Variants in CCDC73 observed in about 807,000 individuals in gnomAD.
The protein encoded by CCDC73 is coiled-coil domain containing 73.
CCDC73 carries 95 observed loss-of-function variants against 116.5 expected under a neutral mutation model. The ratio of observed to expected loss-of-function variants is 0.82; its 90% confidence interval spans 0.69 to 0.97. CCDC73 has a LOEUF of 0.97. Ranked by LOEUF, CCDC73 falls within the 50% of genes least tolerant of loss-of-function variation. CCDC73 has a pLI of 0.00. For synonymous variants in CCDC73, 398 were observed against 401.3 expected, an observed-to-expected ratio of 0.99 and a Z score of 0.10; for missense variants, 1,066 against 1,206.8, an observed-to-expected ratio of 0.88 and a Z score of 1.73.
rs147873527 is a variant in CCDC73, at chr11:32,716,596, T to G, written c.207+1480A>C. 3.5e-3 allele frequency among the ~76,000 whole-genome samples: 539 copies of G among 152,318 alleles called. 5 individuals are homozygous for G. The highest frequency in any genetic ancestry group is 0.013 in the African/African-American group (520 of 41,588). On this transcript the variant is annotated intron_variant, in intron 3 of 17. Transcript: ENST00000335185. ...TTTATTTTTAGAGACAGAGCCTCGC[T>G]CTGCACCCAGGCTGGAGTGCAATGG...
the CCDC73 span, among the ~76,000 whole-genome samples, chr11:32,819,969 G>A: frequency 6.6e-6 from 1 of 151,984 alleles, no homozygotes; most frequent in Non-Finnish European, 1.5e-5. Context: ...ACTAGGAAGT[G>A]GAATTAGGCA....
At chr11:32,718,423 T>C (rs1291152332) in intron 2 of CCDC73, among the ~76,000 whole-genome samples, 3 of 152,158 alleles carry the variant, frequency 2.0e-5, no homozygotes, top group Non-Finnish European at 2.9e-5. Flanking sequence ...GGTAAGAAGC[T>C]TCAACGAAAA....
the CCDC73 span, among the ~76,000 whole-genome samples, chr11:32,822,042 A>G: frequency 6.6e-6 from 1 of 152,186 alleles, no homozygotes; most frequent in Non-Finnish European, 1.5e-5. Flanking sequence ...CTGTGCATAA[A>G]TTCTCAAAGG....
chr11:32,628,699 T>C (rs754939841), intron 14 of CCDC73, among the ~76,000 whole-genome samples: 6 of 152,336 alleles, frequency 3.9e-5, no homozygotes, highest in South Asian at 2.1e-4. Flanking sequence ...CTGTGAAACT[T>C]TGACATTCTT....
At chr11:32,611,421 T>TA (rs1855421389) in intron 16 of CCDC73, among the ~76,000 whole-genome samples, 156 bp from the exon 17 acceptor site, 1 of 152,244 alleles carries the variant, frequency 6.6e-6, no homozygotes, top group Admixed American at 6.5e-5. Flanking sequence ...ACTTTGCTCT[T>TA]AAATTAGGCA....
intron 9 of CCDC73, among the ~76,000 whole-genome samples, chr11:32,664,706 C>T (rs1470156088): frequency 7.9e-5 from 12 of 151,978 alleles, no homozygotes; most frequent in Non-Finnish European, 1.5e-5. Flanking sequence ...TTATTTCTTG[C>T]CTTCTGCTAG....
rs190077221 is a variant in CCDC73 at position 32,632,691 on chromosome 11, T to C, written c.1185+3005A>G. Among the ~76,000 whole-genome samples the C allele has an allele frequency of 1.7e-3, 252 of 152,274 alleles. 1 individual carries two copies. The highest frequency in any genetic ancestry group is 2.8e-3 in the Non-Finnish European group (189 of 68,026). On this transcript the variant is annotated intron_variant, in intron 14 of 17. Transcript: ENST00000335185. The stretch of plus-strand genomic sequence containing the variant: ...ATCTTTCATTATAACTGTGAATTTA[T>C]CTTTCTCTTTTCAGTTCTGTCAGTT...
At chr11:32,765,301 A>G (rs1275721066) in intron 1 of CCDC73, among the ~76,000 whole-genome samples, 2 of 152,220 alleles carry the variant, frequency 1.3e-5, no homozygotes, top group Non-Finnish European at 2.9e-5. Flanking sequence ...CCCCAAATCG[A>G]CATAATATAC....
At chr11:32,653,355 T>C (rs1855843774) in intron 11 of CCDC73, 128 bp from the exon 12 acceptor site, 2 of 531,450 alleles carry the variant, frequency 3.8e-6, no homozygotes, top group Non-Finnish European at 6.5e-6. Flanking sequence ...TACTTTATAT[T>C]AAACTAATGG....
chr11:32,613,673 C>T lies in CCDC73; in HGVS notation c.2645G>A (p.Gly882Glu). ...EPSGDLVNRS[G>E]RSTFDLSTSD... ...AGTTGAAAGATCAAAGGTTGACCTT[C>T]CGCTTCTGTTTACTAAATCTCCAGA... The change falls in exon 16 of 18, where the codon GGA becomes GAA. Residue 882 changes from glycine (G) to glutamate (E), a missense_variant. Physicochemically the swap from Gly to Glu is moderately conservative, Grantham distance 98. Coordinates refer to ENST00000335185, the MANE Select transcript of CCDC73 (RefSeq NM_001008391.4). 2.5e-6 allele frequency: 4 copies of T among 1,614,092 alleles called. No homozygotes were observed. The highest frequency in any genetic ancestry group is 2.5e-6 in the Non-Finnish European group (3 of 1,179,990).
rs1031249698 is a variant in CCDC73 at position 32,660,244 on chromosome 11, A to C, written c.646-5272T>G. Among the ~76,000 whole-genome samples the C allele has an allele frequency of 1.8e-3, 278 of 150,722 alleles. 1 individual carries two copies. The highest frequency in any genetic ancestry group is 3.4e-3 in the Middle Eastern group (1 of 292). ...TTCTCTCTACCAAAAAAAAAAAAAA[A>C]AAAAAAAAAAACAGGTTGGATCCAG... On this transcript the variant is annotated intron_variant, in intron 9 of 17. Transcript: ENST00000335185.
intron 3 of CCDC73, among the ~76,000 whole-genome samples, chr11:32,704,317 T>C (rs1043214193): frequency 1.3e-5 from 2 of 152,236 alleles, no homozygotes; most frequent in African/African-American, 4.8e-5. Flanking sequence ...GCTCTCCATG[T>C]CTGCTCCACT....
At chr11:32,788,501 G>C (rs1422025250) in intron 1 of CCDC73, among the ~76,000 whole-genome samples, 1 of 150,202 alleles carries the variant, frequency 6.7e-6, no homozygotes, top group Non-Finnish European at 1.5e-5. Context: ...TTGAGACAGG[G>C]TCTTGCTCTG....
In CCDC73 at chr11:32,635,260, C is replaced by CT. The variant is rs1356304614; in HGVS notation, c.1185+435dup. Among the ~76,000 whole-genome samples, 4 of 151,996 alleles carry CT rather than the reference C, an allele frequency of 2.6e-5. No individual in the cohort carries two copies. In the East Asian group the frequency reaches 7.7e-4, roughly 29 times the overall value. On this transcript the variant is annotated intron_variant, in intron 14 of 17. Coordinates refer to ENST00000335185, the MANE Select transcript of CCDC73 (RefSeq NM_001008391.4). ...AATATAGGACTTAGAATAGAAAAAG[C>CT]TTTTTTGGAAAAAGAACAATATTGA...
chr11:32,760,120 G>C lies in CCDC73; in HGVS notation c.124C>G (p.Arg42Gly), dbSNP rs559461829. The change falls in exon 2 of 18, where the codon CGT becomes GGT. Residue 42 changes from arginine (R) to glycine (G), a missense_variant. Transcript: ENST00000335185. ...AAAAAGGAGCTTACCCTTCTCATACGCAATTCTTCTAATGCCTCCAGTAAA... is the reference window on the plus strand; with the variant it reads ...AAAAAGGAGCTTACCCTTCTCATACCCAATTCTTCTAATGCCTCCAGTAAA... ...TSLLEALEEL[R>G]MRREAEIHYE... 6.3e-7 allele frequency: 1 copy of C among 1,598,340 alleles called. No homozygotes were observed. The highest frequency in any genetic ancestry group is 2.2e-5 in the East Asian group (1 of 44,610).
At chr11:32,730,880 A>C (rs191448469) in intron 2 of CCDC73, among the ~76,000 whole-genome samples, 1 of 152,118 alleles carries the variant, frequency 6.6e-6, no homozygotes, top group Middle Eastern at 3.2e-3. Context: ...TGCATTTCCA[A>C]CTGAGGTACC....
At chr11:32,757,016 T>C (rs1164630524) in intron 2 of CCDC73, among the ~76,000 whole-genome samples, 1 of 152,050 alleles carries the variant, frequency 6.6e-6, no homozygotes, top group African/African-American at 2.4e-5. Flanking sequence ...ACTGTATTCA[T>C]AAAAAACAAC....
intron 12 of CCDC73, among the ~76,000 whole-genome samples, chr11:32,644,950 T>G (rs1405435651): frequency 6.6e-6 from 1 of 152,224 alleles, no homozygotes; most frequent in Non-Finnish European, 1.5e-5. Context: ...CTTTTACCGC[T>G]GAGTAATCTG....
intron 7 of CCDC73, 23 bp from the exon 8 acceptor site, chr11:32,676,044 A>G: frequency 1.3e-6 from 2 of 1,566,290 alleles, no homozygotes; most frequent in Non-Finnish European, 1.7e-6. Flanking sequence ...GTAATTTTAA[A>G]TGTTATACAT....
Sources: gnomAD v4.1 joint callset for allele counts (sites outside exome capture counted in the v4.1 genomes callset) on GRCh38, gnomAD v4.1.1 for gene constraint, MANE v1.5 for transcripts, NCBI Gene and HGNC (gene_info 2026-07-23, HGNC 2026-07-21) for gene names.